The following KCNMA1 variants were observed in gnomAD, a reference collection of about 807,000 sequenced individuals.
The protein encoded by KCNMA1 is Calcium-activated potassium channel subunit alpha-1.
Under a neutral mutation model 140.0 loss-of-function variants are expected in KCNMA1, and 29 were observed. The ratio of observed to expected loss-of-function variants is 0.21; its 90% CI spans 0.15 to 0.28. The LOEUF is 0.28. Among genes scored for constraint, KCNMA1 ranks in the 10% least tolerant of loss-of-function variants. KCNMA1 has a pLI of 1.00. For missense variants in KCNMA1, 880 were observed against 1,602.2 expected, an observed-to-expected ratio of 0.55 and a Z score of 7.70; for synonymous variants, 612 against 611.9, an observed-to-expected ratio of 1.00 and a Z score of 0.00.
intron 3 of KCNMA1, among the ~76,000 whole-genome samples, chr10:77,201,589 G>A (rs1216655789): frequency 1.3e-5 from 2 of 152,182 alleles, no homozygotes; most frequent in Admixed American, 6.5e-5. Context: ...ACAGGCCTAA[G>A]TGCTGGGATT....
intron 1 of KCNMA1, chr10:77,586,261 C>A (rs1284090618): frequency 6.6e-6 from 1 of 152,192 alleles, no homozygotes; most frequent in Non-Finnish European, 1.5e-5. Flanking sequence ...GAGCTATTCC[C>A]ACCCACACTC....
At chr10:77,525,090 A>G (rs2055074301) in intron 1 of KCNMA1, among the ~76,000 whole-genome samples, 1 of 152,238 alleles carries the variant, frequency 6.6e-6, no homozygotes, top group Non-Finnish European at 1.5e-5. Context: ...TCTGGACGAT[A>G]TCTACCATGA....
chr10:77,542,010 G>C (rs2060291849), intron 1 of KCNMA1, among the ~76,000 whole-genome samples: 1 of 152,294 alleles, frequency 6.6e-6, no homozygotes, highest in South Asian at 2.1e-4. Flanking sequence ...TTGAATATTT[G>C]TGTCCCTCCC....
At chr10:77,165,713 C>G (rs948734897) in intron 5 of KCNMA1, among the ~76,000 whole-genome samples, 3 of 152,158 alleles carry the variant, frequency 2.0e-5, no homozygotes, top group Admixed American at 6.6e-5. Flanking sequence ...ACACGTATAC[C>G]TACTTTTCAA....
chr10:77,153,879 A>G (rs144808609), intron 5 of KCNMA1, among the ~76,000 whole-genome samples: 1 of 152,278 alleles, frequency 6.6e-6, no homozygotes, highest in Non-Finnish European at 1.5e-5. Flanking sequence ...AATGGACAGG[A>G]GTCTCCGGGC....
chr10:76,906,246 G>A (rs549425248), intron 25 of KCNMA1, among the ~76,000 whole-genome samples: 1 of 152,336 alleles, frequency 6.6e-6, no homozygotes, highest in Non-Finnish European at 1.5e-5. Context: ...ATACTCATAT[G>A]TGAGTCTCAT....
chr10:77,393,244 G>C (rs1177130343), intron 2 of KCNMA1, among the ~76,000 whole-genome samples: 1 of 151,238 alleles, frequency 6.6e-6, no homozygotes, highest in Admixed American at 6.6e-5. Flanking sequence ...CAGCACTCTT[G>C]GAAGATGTCT....
chr10:77,407,566 A>G (rs181071237), intron 1 of KCNMA1, among the ~76,000 whole-genome samples: 163 of 152,340 alleles, frequency 1.1e-3, no homozygotes, highest in African/African-American at 3.4e-3. Flanking sequence ...GGTAACTAAG[A>G]GCAGGTATCT....
At chr10:77,136,216 T>C (rs1352314847) in intron 5 of KCNMA1, among the ~76,000 whole-genome samples, 1 of 152,160 alleles carries the variant, frequency 6.6e-6, no homozygotes, top group Non-Finnish European at 1.5e-5. Flanking sequence ...CATTGCAAAA[T>C]TGTTCATTAA....
chr10:77,574,083 A>G (rs2073060461), intron 1 of KCNMA1, among the ~76,000 whole-genome samples: 1 of 151,880 alleles, frequency 6.6e-6, no homozygotes. Context: ...CGATCCACCC[A>G]TCTTGGCCTC....
At chr10:77,574,991 G>A (rs1188586664) in intron 1 of KCNMA1, among the ~76,000 whole-genome samples, 2 of 152,172 alleles carry the variant, frequency 1.3e-5, no homozygotes, top group Non-Finnish European at 2.9e-5. Context: ...ACCACCCTTT[G>A]TTCCTGCCTC....
At chr10:77,422,312 G>T (rs2096883982) in intron 1 of KCNMA1, among the ~76,000 whole-genome samples, 1 of 152,200 alleles carries the variant, frequency 6.6e-6, no homozygotes, top group Non-Finnish European at 1.5e-5. Flanking sequence ...GTAGGCTTAG[G>T]TTGGAGCATA....
chr10:77,233,720 C>T (rs909916098), intron 3 of KCNMA1, among the ~76,000 whole-genome samples: 2 of 152,084 alleles, frequency 1.3e-5, no homozygotes, highest in African/African-American at 2.4e-5. Context: ...AACTGCTGGC[C>T]GACAACCACC....
At chr10:77,229,163 G>GCAAA (rs35353145) in intron 3 of KCNMA1, among the ~76,000 whole-genome samples, 131,010 of 151,766 alleles carry the variant, frequency 0.86, 56,922 homozygotes, top group East Asian at 0.98. Flanking sequence ...CGATGGAAAA[G>GCAAA]CAAAGGTGGG....
intron 1 of KCNMA1, among the ~76,000 whole-genome samples, chr10:77,422,087 C>T (rs989784147): frequency 3.3e-5 from 5 of 152,224 alleles, no homozygotes; most frequent in Non-Finnish European, 7.3e-5. Flanking sequence ...TCAACATAGA[C>T]CAATACAATG....
intron 13 of KCNMA1, among the ~76,000 whole-genome samples, chr10:77,075,080 A>G (rs926896205): frequency 3.9e-5 from 6 of 152,186 alleles, no homozygotes; most frequent in Non-Finnish European, 5.9e-5. Flanking sequence ...CTAAGCCAAA[A>G]GTGGGTACTC....
chr10:77,123,920 T>G (rs1209569765), intron 5 of KCNMA1, among the ~76,000 whole-genome samples: 1 of 151,958 alleles, frequency 6.6e-6, no homozygotes, highest in African/African-American at 2.4e-5. Context: ...GGCCAGGGAG[T>G]GCAGATGGCA....
chr10:77,537,823 G>A (rs796634977), intron 1 of KCNMA1, among the ~76,000 whole-genome samples: 6 of 152,008 alleles, frequency 3.9e-5, no homozygotes, highest in African/African-American at 1.2e-4. Context: ...GCAACACGCT[G>A]CCTGCTCCTC....
At chr10:77,570,930 C>A (rs1475311193) in intron 1 of KCNMA1, among the ~76,000 whole-genome samples, 45 of 145,016 alleles carry the variant, frequency 3.1e-4, no homozygotes, top group Non-Finnish European at 3.2e-4. Context: ...GACTCTGTCT[C>A]AAAAAAAAAA....
Sources: allele counts gnomAD v4.1 joint callset (sites outside exome capture counted in the v4.1 genomes callset), GRCh38; gene constraint gnomAD v4.1.1; transcripts MANE v1.5; gene names NCBI Gene and HGNC (gene_info 2026-07-23, HGNC 2026-07-21).